The following BRSK2 variants were observed in gnomAD, a reference collection of about 807,000 sequenced individuals.
BRSK2 encodes BR serine/threonine kinase 2.
In BRSK2, 19 loss-of-function variants were observed where a neutral mutation model predicts 83.3. The observed-to-expected ratio is 0.23, with a 90% confidence interval of 0.16 to 0.33. The LOEUF is 0.33. Among genes scored for constraint, BRSK2 ranks in the 10% least tolerant of loss-of-function variants. BRSK2 has a pLI of 1.00. For synonymous variants in BRSK2, 519 were observed against 435.4 expected (o/e 1.19, Z -2.39); for missense variants, 798 against 1,042.3 (o/e 0.77, Z 3.23).
chr11:1,458,302 T>G (rs1225964914), intron 18 of BRSK2, among the ~76,000 whole-genome samples: 2 of 151,924 alleles, frequency 1.3e-5, no homozygotes, highest in Non-Finnish European at 2.9e-5. Flanking sequence ...TGGAGCCAAC[T>G]CCAAGCCCCT....
Position 1,460,943 on chromosome 11 carries a change from C to T in BRSK2, c.*220C>T, listed in dbSNP as rs1198506327. ...CTCTGCCTCTGCCTGTCTCTGACAG[C>T]ATCGCTTGTTTCCACTCTGATACCA... is the stretch of plus-strand genomic sequence containing the variant. On this transcript the variant is annotated 3_prime_UTR_variant, in exon 20 of 20. Coordinates refer to ENST00000528841, the MANE Select transcript of BRSK2 (RefSeq NM_001256627.2). 4 of 1,612,380 alleles carry T rather than the reference C, an allele frequency of 2.5e-6. No homozygotes were observed. Among genetic ancestry groups the T allele is most frequent in the Non-Finnish European group, 3.4e-6 (4 of 1,179,452 alleles).
At chr11:1,452,214 G>T (rs546681930) in intron 15 of BRSK2, among the ~76,000 whole-genome samples, 35 of 152,304 alleles carry the variant, frequency 2.3e-4, no homozygotes, top group Non-Finnish European at 4.3e-4. Context: ...TAAACCAGGG[G>T]CCCCTGTGGA....
rs766735005 is a variant in BRSK2, at chr11:1,445,690, C to T, written c.1075+22C>T. On this transcript the variant is annotated intron_variant, in intron 11 of 19. Transcript: ENST00000528841. Reference sequence around the variant, plus strand: ...ATAGGTATGGGTCCAGGGGTGGCCTCCAGCCCGGCCTGCACTGCCCCACCG... The same window carrying T: ...ATAGGTATGGGTCCAGGGGTGGCCTTCAGCCCGGCCTGCACTGCCCCACCG... The T allele has an allele frequency of 5.0e-6, 8 of 1,611,070 alleles. No individual in the cohort carries two copies. The South Asian group carries it at 8.8e-5, about 18-fold the overall frequency.
At chr11:1,410,705 G>A (rs1847383213) in intron 1 of BRSK2, 6 of 985,346 alleles carry the variant, frequency 6.1e-6, no homozygotes, top group South Asian at 9.4e-5. Context: ...AGGAGCCCCC[G>A]CCTGCCTAGG....
At chr11:1,456,211 GC>G in intron 16 of BRSK2, 136 bp from the exon 17 acceptor site, 1 of 908,266 alleles carries the variant, frequency 1.1e-6, no homozygotes. Flanking sequence ...ACCGCACTGT[GC>G]CCCTCACGGA....
At chr11:1,396,249 TCCTGGTCC>T (rs1464534544) in intron 1 of BRSK2, among the ~76,000 whole-genome samples, 46 of 135,274 alleles carry the variant, frequency 3.4e-4, no homozygotes, top group Middle Eastern at 3.7e-3. Flanking sequence ...CGTCCCCCAC[TCCTGGTCC>T]CTCTTCCCTT....
intron 15 of BRSK2, 86 bp downstream of exon 15, chr11:1,451,505 G>T (rs771753204): frequency 9.8e-5 from 138 of 1,412,356 alleles, no homozygotes; most frequent in Non-Finnish European, 1.3e-4. Flanking sequence ...TATGGCCAAC[G>T]GGGTGCTCCT....
At chr11:1,450,110 C>T (rs952633698) in intron 13 of BRSK2, among the ~76,000 whole-genome samples, 24 of 151,898 alleles carry the variant, frequency 1.6e-4, no homozygotes, top group Non-Finnish European at 3.1e-4. Context: ...CCCACCCTCC[C>T]GCTCCCGCCT....
intron 1 of BRSK2, chr11:1,411,389 G>T (rs879696806): frequency 6.9e-7 from 1 of 1,458,904 alleles, no homozygotes; most frequent in Non-Finnish European, 9.0e-7. Context: ...GCCTGGTAGG[G>T]CACCAGCCTC....
chr11:1,406,699 C>T (rs371516167), intron 1 of BRSK2, among the ~76,000 whole-genome samples: 1 of 152,178 alleles, frequency 6.6e-6, no homozygotes, highest in Admixed American at 6.5e-5. Flanking sequence ...GTCCAGCACT[C>T]GGCCGCCTGC....
At chr11:1,445,704 A>G (rs374837492) in intron 11 of BRSK2, 36 bp downstream of exon 11, 2 of 1,611,458 alleles carry the variant, frequency 1.2e-6, no homozygotes, top group Non-Finnish European at 1.7e-6. Context: ...CCCGGCCTGC[A>G]CTGCCCCACC....
chr11:1,436,227 G>A, intron 2 of BRSK2, 93 bp downstream of exon 2: 1 of 593,832 alleles, frequency 1.7e-6, no homozygotes, highest in Non-Finnish European at 2.5e-6. Context: ...GACCTGCGGT[G>A]CTGGATGCGG....
At chr11:1,441,193 G>A (rs1410409656) in intron 4 of BRSK2, among the ~76,000 whole-genome samples, 16 of 52,062 alleles carry the variant, frequency 3.1e-4, no homozygotes, top group Admixed American at 2.0e-3. Context: ...CCCCCATAGC[G>A]GCCCCTCAAG....
intron 1 of BRSK2, among the ~76,000 whole-genome samples, chr11:1,408,988 A>G (rs61867653): frequency 2.7e-3 from 147 of 54,112 alleles, no homozygotes; most frequent in Middle Eastern, 7.2e-3. Flanking sequence ...GTGTGTGTGT[A>G]TGTCTGTGCA....
intron 15 of BRSK2, among the ~76,000 whole-genome samples, chr11:1,451,741 C>T (rs545744055): frequency 1.3e-5 from 2 of 152,250 alleles, no homozygotes; most frequent in African/African-American, 2.4e-5. Context: ...GAGACCGGGT[C>T]GCTCAGGTCT....
intron 1 of BRSK2, among the ~76,000 whole-genome samples, chr11:1,422,276 T>C (rs1231297422): frequency 2.6e-5 from 4 of 152,114 alleles, no homozygotes; most frequent in Non-Finnish European, 5.9e-5. Context: ...AGCTGTTTGG[T>C]ACCCTGTGTG....
intron 19 of BRSK2, among the ~76,000 whole-genome samples, chr11:1,459,634 G>C (rs981132252): frequency 9.9e-5 from 15 of 152,232 alleles, no homozygotes; most frequent in African/African-American, 3.4e-4. Flanking sequence ...CACAGCTCAG[G>C]GCTCAGGTGG....
rs917292591 is a variant in BRSK2, at chr11:1,443,311, C to T, written c.565-24C>T. 3.1e-6 allele frequency: 5 copies of T among 1,596,306 alleles called. 1 individual carries two copies. In the South Asian group the frequency reaches 4.5e-5, roughly 14 times the overall value. On this transcript the variant is annotated intron_variant, in intron 6 of 19. Coordinates refer to ENST00000528841, the MANE Select transcript of BRSK2 (RefSeq NM_001256627.2). The stretch of plus-strand genomic sequence containing the variant: ...CCCCGCCCTGCCCTGCGCCCCCCAA[C>T]AGCCCGGGCACTGCTGTCCACAGGG...
At chr11:1,408,143 G>T (rs1847040220) in intron 1 of BRSK2, among the ~76,000 whole-genome samples, 1 of 152,252 alleles carries the variant, frequency 6.6e-6, no homozygotes, top group South Asian at 2.1e-4. Context: ...GGCGTGGGGA[G>T]CACAGGCGGG....
Sources: allele counts gnomAD v4.1 joint callset (sites outside exome capture counted in the v4.1 genomes callset), GRCh38; gene constraint gnomAD v4.1.1; transcripts MANE v1.5; gene names NCBI Gene and HGNC (gene_info 2026-07-23, HGNC 2026-07-21).